Variants in GCN1 observed in about 807,000 individuals in gnomAD.
GCN1 encodes GCN1 activator of EIF2AK4, also known as stalled ribosome sensor GCN1.
In GCN1, 90 loss-of-function variants were observed where a neutral mutation model predicts 288.4. The ratio of observed to expected loss-of-function variants is 0.31; its 90% confidence interval spans 0.26 to 0.37. The LOEUF (loss-of-function observed/expected upper bound fraction) is 0.37. Among genes scored for constraint, GCN1 ranks in the 10% least tolerant of loss-of-function variants. GCN1 has a pLI of 1.00. For missense variants in GCN1, 2,586 were observed against 3,419.9 expected (o/e 0.76, Z 6.08); for synonymous variants, 1,386 against 1,420.2 (o/e 0.98, Z 0.54).
intron 24 of GCN1, among the ~76,000 whole-genome samples, chr12:120,159,011 CAAA>C (rs56356587): frequency 8.8e-6 from 1 of 114,004 alleles, no homozygotes; most frequent in Non-Finnish European, 1.9e-5. Flanking sequence ...GACTCCGTCT[CAAA>C]AAAAAAAAAA....
At chr12:120,174,769 G>A (rs1323260226) in intron 12 of GCN1, among the ~76,000 whole-genome samples, 1 of 122,324 alleles carries the variant, frequency 8.2e-6, no homozygotes, top group Non-Finnish European at 1.6e-5. Flanking sequence ...CCGGCCTGGC[G>A]ACAGAGTGAG....
rs373558027 is a variant in GCN1, at chr12:120,174,057, T to C, written c.1192+14A>G. 1.3e-5 allele frequency: 19 copies of C among 1,472,858 alleles called. No homozygotes were observed. The allele number at this position is 1,472,858 out of a possible 1,614,324, so 91.2% of individuals were successfully genotyped here. ...GAGTACAGAACGCATGCTCACCATG[T>C]TGCACAGAATTACCTTCCTGCTGAA... On this transcript the variant is annotated intron_variant, in intron 13 of 57. Transcript: ENST00000300648.
chr12:120,158,065 C>T lies in GCN1; in HGVS notation c.2906-35G>A. On this transcript the variant is annotated intron_variant, in intron 25 of 57. Transcript: ENST00000300648. The surrounding 1 kb of genome is among the most constrained non-coding windows in gnomAD (Gnocchi z 4.3). ...CGAGAAGCAGATAAGATTCTGCAGG[C>T]AGGGCAGGGACCCGGGCCACTGCTG... 6.2e-7 allele frequency: 1 copy of T among 1,604,374 alleles called. No individual in the cohort carries two copies. The highest frequency in any genetic ancestry group is 8.5e-7 in the Non-Finnish European group (1 of 1,173,086).
At chr12:120,133,796 C>T (rs1004746847) in intron 53 of GCN1, among the ~76,000 whole-genome samples, 3 of 152,172 alleles carry the variant, frequency 2.0e-5, no homozygotes, top group Non-Finnish European at 2.9e-5. Context: ...CGGCCGGGCG[C>T]GGTGGCTCAT....
intron 31 of GCN1, 56 bp downstream of exon 31, chr12:120,154,914 C>A: frequency 6.7e-7 from 1 of 1,495,324 alleles, no homozygotes; most frequent in Non-Finnish European, 9.3e-7. Flanking sequence ...CCCACCCAGC[C>A]AACCTGCCAC....
At position 120,142,959 on chromosome 12, in the gene GCN1, A is replaced by G. The variant is rs777700892; in HGVS notation, c.5496-18T>C. ...AGCTGAACCTGAGAAGGAGGCCAAC[A>G]ACACAGTCACACAGCTGCAAGGAGT... On this transcript the variant is annotated intron_variant, in intron 42 of 57. Transcript: ENST00000300648. This position sits in a 1 kb window ranked among gnomAD's most constrained non-coding sequence, Gnocchi z 4.9. 4 of 1,469,130 alleles carry G rather than the reference A, an allele frequency of 2.7e-6. No homozygotes were observed. In the East Asian group the frequency reaches 6.8e-5, roughly 25 times the overall value. The allele number at this position is 1,469,130 out of a possible 1,614,324, so 91.0% of individuals were successfully genotyped here.
rs1166508144 is a variant in GCN1, at chr12:120,188,521, G to A, written c.121+1777C>T. On this transcript the variant is annotated intron_variant, in intron 2 of 57. Transcript: ENST00000300648. Reference sequence around the variant, plus strand: ...GCCAATCACCTACTACCATGGTGCTGACTTCCACGGAACACAGATTGGGAA... The same window carrying A: ...GCCAATCACCTACTACCATGGTGCTAACTTCCACGGAACACAGATTGGGAA... Among the ~76,000 whole-genome samples, 34 of 151,046 alleles carry A rather than the reference G, an allele frequency of 2.3e-4. 1 individual carries two copies. The highest frequency in any genetic ancestry group is 2.2e-3 in the Admixed American group (34 of 15,120).
chr12:120,163,123 T>C lies in GCN1; in HGVS notation c.1985A>G (p.Asp662Gly). The C allele has an allele frequency of 6.2e-7, 1 of 1,614,218 alleles. No homozygotes were observed. Among genetic ancestry groups the C allele is most frequent in the Non-Finnish European group, 8.5e-7 (1 of 1,180,042 alleles). ...CATTTCCTGGGCCAGTTGTTCAGTG[T>C]CGGTGACATCACCCTTGAGCCCTGG... ...GVPGLKGDVT[D>G]TEQLAQEMLI... The change falls in exon 19 of 58, where the codon GAC (aspartate) becomes GGC (glycine). Residue 662 changes from aspartate (D) to glycine (G), a missense_variant. Asp to Gly is a moderately conservative substitution (Grantham distance 94, BLOSUM62 -1). Transcript: ENST00000300648.
In GCN1 at chr12:120,162,879, G is replaced by A. The variant is rs780184585; in HGVS notation, c.2131C>T (p.Pro711Ser). 9.3e-6 allele frequency: 15 copies of A among 1,614,012 alleles called. No homozygotes were observed. The East Asian group carries it at 3.3e-4, about 36-fold the overall frequency. The change falls in exon 20 of 58, where the codon CCC becomes TCC. Residue 711 changes from proline (P) to serine (S), a missense_variant. Physicochemically the swap from Pro to Ser is moderately conservative, Grantham distance 74. Coordinates refer to ENST00000300648, the MANE Select transcript of GCN1 (RefSeq NM_006836.2). ...FITRHLDQIIPRMTTQSPLNQ... is the reference protein window; with the variant it reads ...FITRHLDQIISRMTTQSPLNQ... ...AGGGGACTCTGTGTGGTCATCCTGGGAATGATCTGATCCAGGTGCCTGGTG... is the reference window on the plus strand; with the variant it reads ...AGGGGACTCTGTGTGGTCATCCTGGAAATGATCTGATCCAGGTGCCTGGTG...
intron 1 of GCN1, among the ~76,000 whole-genome samples, chr12:120,193,008 C>A (rs1199196272): frequency 6.6e-6 from 1 of 151,932 alleles, no homozygotes; most frequent in African/African-American, 2.4e-5. Flanking sequence ...TGCACTCCAG[C>A]CTGGGCAACA....
At chr12:120,143,569 G>A (rs866798920) in intron 42 of GCN1, among the ~76,000 whole-genome samples, 1 of 146,336 alleles carries the variant, frequency 6.8e-6, no homozygotes, top group Non-Finnish European at 1.5e-5. Context: ...GTGACAGAGC[G>A]AGACTCCGTC....
intron 57 of GCN1, among the ~76,000 whole-genome samples, chr12:120,128,239 C>A: frequency 6.6e-6 from 1 of 152,216 alleles, no homozygotes; most frequent in East Asian, 1.9e-4. Context: ...ATCCTCCCAC[C>A]TTGGCTTCCC....
At position 120,156,357 on chromosome 12, in the gene GCN1, C is replaced by T. The variant is rs184749397; in HGVS notation, c.3312+104G>A. ...GTGACTTCTTCTCTTTGCCTCTAGG[C>T]CTCCCACCAGAGTGAGGGACATTCT... On this transcript the variant is annotated intron_variant, in intron 28 of 57. Transcript: ENST00000300648. This position sits in a 1 kb window ranked among gnomAD's most constrained non-coding sequence, Gnocchi z 5.8. 3.5e-6 allele frequency: 4 copies of T among 1,133,684 alleles called. No individual in the cohort carries two copies. In the African/African-American group the frequency reaches 6.0e-5, roughly 17 times the overall value. The allele number at this position is 1,133,684 out of a possible 1,614,324, so 70.2% of individuals were successfully genotyped here. A position where few individuals can be genotyped will look rare whatever the true frequency, so the allele number is the denominator to read the frequency against.
Position 120,141,037 on chromosome 12 carries a change from C to T in GCN1, c.5830-14G>A, listed in dbSNP as rs2139090913. ...TCTCGCTGCAATCTGTCAACAGAGA[C>T]CAATCCAGGAAGTAAAGTCCCTGCA... On this transcript the variant is annotated splice_polypyrimidine_tract_variant and intron_variant, in intron 44 of 57. Coordinates refer to ENST00000300648, the MANE Select transcript of GCN1 (RefSeq NM_006836.2). 1 of 1,606,006 alleles carries T rather than the reference C, an allele frequency of 6.2e-7. No homozygotes were observed. The highest frequency in any genetic ancestry group is 1.1e-5 in the South Asian group (1 of 89,734).
intron 8 of GCN1, 39 bp downstream of exon 8, chr12:120,177,645 A>G (rs747084537): frequency 1.3e-6 from 2 of 1,570,882 alleles, no homozygotes; most frequent in Admixed American, 1.7e-5. Flanking sequence ...TGAAAATGGG[A>G]TCAGTTGTCC....
rs1187712548 is a variant in GCN1, at chr12:120,132,032, A to G, written c.7318-10T>C. On this transcript the variant is annotated splice_polypyrimidine_tract_variant and intron_variant, in intron 53 of 57. Transcript: ENST00000300648. ...AGATGCGAGTGTTGTCCTGACAGGG[A>G]AGAGAAGGGAGTGAGGGGGTGCAGG... The G allele has an allele frequency of 6.4e-7, 1 of 1,558,918 alleles. No homozygotes were observed.
rs201064495 is a variant in GCN1, at chr12:120,137,812, C to T, written c.6396G>A (p.Glu2132=). ...GGATCACAGCCTGACAATTGGCCAT[C>T]TCCTGCAAACCACAAGGGACATGTG... The part of the protein sequence containing the change: ...EKLGTPDEQL[E]MANCQAVILS... The change falls in exon 49 of 58, where the codon GAG becomes GAA. Residue 2132 remains glutamate, a splice_region_variant and synonymous_variant. Coordinates refer to ENST00000300648, the MANE Select transcript of GCN1 (RefSeq NM_006836.2). This position sits in a 1 kb window ranked among gnomAD's most constrained non-coding sequence, Gnocchi z 5.2. The T allele has an allele frequency of 9.9e-6, 16 of 1,613,366 alleles. No homozygotes were observed. The highest frequency in any genetic ancestry group is 1.2e-5 in the Non-Finnish European group (14 of 1,179,396).
chr12:120,133,304 G>C (rs1876892318), intron 53 of GCN1, among the ~76,000 whole-genome samples: 1 of 152,148 alleles, frequency 6.6e-6, no homozygotes, highest in African/African-American at 2.4e-5. Flanking sequence ...CACAACAGAG[G>C]GCTGTCTGAA....
chr12:120,142,453 C>G lies in GCN1; in HGVS notation c.5829+54G>C. 7.5e-7 allele frequency: 1 copy of G among 1,333,468 alleles called. No homozygotes were observed. The highest frequency in any genetic ancestry group is 1.2e-5 in the South Asian group (1 of 84,746). The allele number at this position is 1,333,468 out of a possible 1,614,324, so 82.6% of individuals were successfully genotyped here. ...GGCTCTGCAGACCCAGCCTTCTAGG[C>G]TCTGAAAGGAGGCACTGGGGCTGCT... On this transcript the variant is annotated intron_variant, in intron 44 of 57. Transcript: ENST00000300648. The surrounding 1 kb of genome is among the most constrained non-coding windows in gnomAD (Gnocchi z 4.9).
Sources: gnomAD v4.1 joint callset for allele counts (sites outside exome capture counted in the v4.1 genomes callset) on GRCh38, gnomAD v4.1.1 for gene constraint, Gnocchi (gnomAD v3.1) non-coding constraint, MANE v1.5 for transcripts, NCBI Gene and HGNC (gene_info 2026-07-23, HGNC 2026-07-21) for gene names.